The following DNAJC17 variants were observed in gnomAD, a reference collection of about 807,000 sequenced individuals.
DNAJC17 encodes the protein dnaJ homolog subfamily C member 17.
Under a neutral mutation model 48.1 loss-of-function variants are expected in DNAJC17, and 35 were observed. The observed-to-expected ratio is 0.73, with a 90% CI of 0.56 to 0.96. The LOEUF (loss-of-function observed/expected upper bound fraction) is 0.96, where lower values mean the gene tolerates loss of function less well. Among genes scored for constraint, DNAJC17 ranks in the 50% least tolerant of loss-of-function variants. The probability of loss-of-function intolerance (pLI) is 0.00; values close to 1 mark genes in which losing one functional copy is unlikely to be tolerated. For synonymous variants in DNAJC17, 117 were observed against 142.7 expected (o/e 0.82, Z 1.28); for missense variants, 355 against 377.1 (o/e 0.94, Z 0.48).
intron 1 of DNAJC17, among the ~76,000 whole-genome samples, chr15:40,804,496 G>A (rs1890152909): frequency 6.6e-6 from 1 of 152,030 alleles, no homozygotes; most frequent in Non-Finnish European, 1.5e-5. Context: ...CTACATGAGA[G>A]GCTGAGGTGG....
rs1889119858 is a variant in DNAJC17, at chr15:40,770,912, C to T, written c.792+2815G>A. 6.4e-7 allele frequency: 1 copy of T among 1,551,536 alleles called. No individual in the cohort carries two copies. Among genetic ancestry groups the T allele is most frequent in the African/African-American group, 1.4e-5 (1 of 73,166 alleles). On this transcript the variant is annotated intron_variant, in intron 10 of 10. Transcript: ENST00000220496. The surrounding 1 kb of genome is among the most constrained non-coding windows in gnomAD (Gnocchi z 5.0). Reference sequence around the variant, plus strand: ...CTCCCTGCTTCCAGAGGACACCTACCCCAGACCTCAGTGATCCCTTCCTCT... The same window carrying T: ...CTCCCTGCTTCCAGAGGACACCTACTCCAGACCTCAGTGATCCCTTCCTCT...
At chr15:40,777,244 C>T (rs183872761) in intron 4 of DNAJC17, among the ~76,000 whole-genome samples, 9 of 151,548 alleles carry the variant, frequency 5.9e-5, no homozygotes, top group African/African-American at 1.9e-4. Flanking sequence ...GAAGTTTGTG[C>T]ACTTTACTTA....
intron 10 of DNAJC17, chr15:40,772,059 G>A (rs913577812): frequency 1.8e-5 from 3 of 167,028 alleles, no homozygotes; most frequent in Middle Eastern, 3.1e-3. Flanking sequence ...TTCCTTCCTC[G>A]AAGAGAGGAG....
At chr15:40,778,181 C>T (rs551659570) in intron 4 of DNAJC17, among the ~76,000 whole-genome samples, 252 of 151,546 alleles carry the variant, frequency 1.7e-3, no homozygotes, top group Middle Eastern at 6.8e-3. Context: ...TACAAAACCC[C>T]GTCTTTCTTT....
chr15:40,795,947 G>A (rs1036891748), intron 1 of DNAJC17, among the ~76,000 whole-genome samples: 3 of 152,182 alleles, frequency 2.0e-5, no homozygotes, highest in Non-Finnish European at 2.9e-5. Context: ...GGCACCAAGC[G>A]CACAGCATTG....
At position 40,769,543 on chromosome 15, in the gene DNAJC17, G is replaced by A. The variant is rs926365447; in HGVS notation, c.793-1481C>T. On this transcript the variant is annotated intron_variant, in intron 10 of 10. Coordinates refer to ENST00000220496, the MANE Select transcript of DNAJC17 (RefSeq NM_018163.3). This position sits in a 1 kb window ranked among gnomAD's most constrained non-coding sequence, Gnocchi z 4.2. ...AGAGCCCGCCCATCACAGGCATGGC[G>A]CTGCTCCCCATTAACACACCCTCTG... 3.9e-5 allele frequency among the ~76,000 whole-genome samples: 6 copies of A among 152,254 alleles called. No individual in the cohort carries two copies. The highest frequency in any genetic ancestry group is 1.4e-4 in the African/African-American group (6 of 41,466).
intron 4 of DNAJC17, 32 bp from the exon 5 acceptor site, chr15:40,776,659 G>C (rs1889335500): frequency 1.9e-6 from 3 of 1,610,518 alleles, no homozygotes; most frequent in Non-Finnish European, 2.5e-6. Flanking sequence ...CCAGACTGCT[G>C]GTCTGTTCAG....
chr15:40,795,643 T>C (rs535706933), intron 1 of DNAJC17, among the ~76,000 whole-genome samples: 1 of 152,292 alleles, frequency 6.6e-6, no homozygotes, highest in East Asian at 1.9e-4. Context: ...ACACCTGTAA[T>C]CCCAGCACTT....
chr15:40,774,413 C>A lies in DNAJC17; in HGVS notation c.624G>T (p.Val208=). 6.2e-7 allele frequency: 1 copy of A among 1,614,074 alleles called. No individual in the cohort carries two copies. Among genetic ancestry groups the A allele is most frequent in the Admixed American group, 1.7e-5 (1 of 60,034 alleles). The change falls in exon 9 of 11, where the codon GTG becomes GTT. Residue 208 remains valine, a synonymous_variant. Coordinates refer to ENST00000220496, the MANE Select transcript of DNAJC17 (RefSeq NM_018163.3). ...CAGTGCCTGGCTTCTTACTGGAAAG[C>A]ACCAGGTTGAGAACCTCACCATACT... is the stretch of plus-strand genomic sequence containing the variant. ...LQKYGEVLNL[V]LSSKKPGTAV...
intron 1 of DNAJC17, among the ~76,000 whole-genome samples, chr15:40,783,617 G>T (rs148412870): frequency 2.6e-5 from 4 of 152,218 alleles, no homozygotes; most frequent in Non-Finnish European, 5.9e-5. Flanking sequence ...TAATCCCATC[G>T]CTGTGGGAGG....
At chr15:40,776,365 C>T (rs752982849) in intron 5 of DNAJC17, 73 bp from the exon 6 acceptor site, 7 of 1,532,592 alleles carry the variant, frequency 4.6e-6, no homozygotes, top group Middle Eastern at 3.4e-4. Context: ...GTAAAAAGTC[C>T]TTGGGAGCTT....
chr15:40,782,548 T>C (rs535941601), intron 1 of DNAJC17, among the ~76,000 whole-genome samples: 1 of 152,196 alleles, frequency 6.6e-6, no homozygotes, highest in East Asian at 1.9e-4. Flanking sequence ...AACCCCAGAA[T>C]CCGTCCTCTG....
chr15:40,765,290 T>A lies in DNAJC17; in HGVS notation c.*2650A>T, dbSNP rs1365668992. ...TGTGCAACCATCACCATAATCAGTT[T>A]TAGAACATTTCTAATACCCCAAAAG... On this transcript the variant is annotated 3_prime_UTR_variant, in exon 11 of 11. Transcript: ENST00000220496. The A allele has an allele frequency of 6.6e-6, 1 of 152,274 alleles. No homozygotes were observed. The highest frequency in any genetic ancestry group is 1.5e-5 in the Non-Finnish European group (1 of 68,094). The allele number at this position is 152,274 out of a possible 1,614,324, so 9.4% of individuals were successfully genotyped here. A position where few individuals can be genotyped will look rare whatever the true frequency, so the allele number is the denominator to read the frequency against.
At chr15:40,774,331 C>G (rs1175171655) in intron 9 of DNAJC17, 25 bp downstream of exon 9, 2 of 1,612,990 alleles carry the variant, frequency 1.2e-6, no homozygotes, top group South Asian at 2.2e-5. Context: ...CCACGAGGGG[C>G]CCCCAAGCCT....
At position 40,769,499 on chromosome 15, in the gene DNAJC17, C is replaced by T. The variant is rs1889060197; in HGVS notation, c.793-1437G>A. On this transcript the variant is annotated intron_variant, in intron 10 of 10. Coordinates refer to ENST00000220496, the MANE Select transcript of DNAJC17 (RefSeq NM_018163.3). The surrounding 1 kb of genome is among the most constrained non-coding windows in gnomAD (Gnocchi z 4.2). ...CTTGGAGCCACCCTTGGCGGGCCCC[C>T]AGCCCAACCCTGGGCAGCAGAGCCC... Among the ~76,000 whole-genome samples the T allele has an allele frequency of 1.3e-5, 2 of 152,388 alleles. No individual in the cohort carries two copies. The highest frequency in any genetic ancestry group is 1.3e-4 in the Admixed American group (2 of 15,310).
intron 1 of DNAJC17, among the ~76,000 whole-genome samples, chr15:40,784,096 A>G (rs1889577171): frequency 6.6e-6 from 1 of 151,794 alleles, no homozygotes; most frequent in South Asian, 2.1e-4. Context: ...GCGTGGTGGC[A>G]CACGCCTGTA....
At chr15:40,768,995 G>A (rs1001902485) in intron 10 of DNAJC17, among the ~76,000 whole-genome samples, 16 of 152,260 alleles carry the variant, frequency 1.1e-4, no homozygotes, top group Non-Finnish European at 4.4e-5. Context: ...AGCAAGGCAG[G>A]AGGAAAATGT....
intron 1 of DNAJC17, chr15:40,780,305 C>T (rs1261090289): frequency 1.8e-6 from 1 of 544,364 alleles, no homozygotes; most frequent in Admixed American, 2.2e-5. Flanking sequence ...CACTCGAAGA[C>T]AGGTACTCTA....
chr15:40,792,618 C>T (rs1224646719), intron 1 of DNAJC17: 4 of 672,812 alleles, frequency 5.9e-6, no homozygotes, highest in African/African-American at 2.0e-5. Context: ...AGTTCGAGAC[C>T]AGCCTGGGCA....
Sources: gnomAD v4.1 joint callset for allele counts (sites outside exome capture counted in the v4.1 genomes callset) on GRCh38, gnomAD v4.1.1 for gene constraint, Gnocchi (gnomAD v3.1) non-coding constraint, MANE v1.5 for transcripts, NCBI Gene and HGNC (gene_info 2026-07-23, HGNC 2026-07-21) for gene names.